The following NRG1 variants were observed in gnomAD, a reference collection of about 807,000 sequenced individuals.
The protein encoded by NRG1 is neuregulin 1.
A neutral mutation model predicts 63.8 loss-of-function variants in NRG1; 18 were observed. The observed-to-expected ratio is 0.28, with a 90% CI of 0.19 to 0.42. NRG1 has a LOEUF of 0.42. Ranked by LOEUF, NRG1 falls within the 10% of genes least tolerant of loss-of-function variation. The pLI is 1.00. For synonymous variants in NRG1, 302 were observed against 301.3 expected, an observed-to-expected ratio of 1.00 and a Z score of -0.02; for missense variants, 762 against 814.7, an observed-to-expected ratio of 0.94 and a Z score of 0.79.
chr8:31,954,428 C>CT (rs374120485), intron 1 of NRG1, among the ~76,000 whole-genome samples: 5 of 152,080 alleles, frequency 3.3e-5, no homozygotes, highest in Admixed American at 2.6e-4. Flanking sequence ...TGCTCAGAAA[C>CT]TTTTTTTATT....
chr8:32,028,280 C>T (rs1817769745), intron 1 of NRG1, among the ~76,000 whole-genome samples: 1 of 151,998 alleles, frequency 6.6e-6, no homozygotes, highest in Non-Finnish European at 1.5e-5. Flanking sequence ...CTTTAGGGGA[C>T]TAGGACTGTG....
rs567028392 is a variant in NRG1, at chr8:32,222,367, G to A, written c.38-373461G>A. Among the ~76,000 whole-genome samples the A allele has an allele frequency of 2.3e-4, 35 of 152,110 alleles. No individual in the cohort carries two copies. In the South Asian group the frequency reaches 5.6e-3, roughly 24 times the overall value. On this transcript the variant is annotated intron_variant, in intron 1 of 10. Coordinates refer to the NRG1 transcript ENST00000519301. Reference sequence around the variant, plus strand: ...CCTCTTATGAATGACACCAGGAAGAGTTATTGTAAACAATTGGAATTTCTA... The same window carrying A: ...CCTCTTATGAATGACACCAGGAAGAATTATTGTAAACAATTGGAATTTCTA...
chr8:32,538,221 A>G (rs1832221906), intron 1 of NRG1, among the ~76,000 whole-genome samples: 1 of 152,124 alleles, frequency 6.6e-6, no homozygotes, highest in Non-Finnish European at 1.5e-5. Context: ...GGAGCTACTG[A>G]GTGACAGGCA....
At chr8:32,052,026 G>C (rs1297102214) in intron 1 of NRG1, among the ~76,000 whole-genome samples, 2 of 152,086 alleles carry the variant, frequency 1.3e-5, no homozygotes, top group African/African-American at 4.8e-5. Flanking sequence ...GAGGCCACAT[G>C]ACAAGTAGGA....
chr8:32,101,332 G>T (rs1830549548), intron 1 of NRG1, among the ~76,000 whole-genome samples: 1 of 152,058 alleles, frequency 6.6e-6, no homozygotes, highest in Non-Finnish European at 1.5e-5. Context: ...TTCCACTCAG[G>T]ACTCCTTATG....
intron 1 of NRG1, among the ~76,000 whole-genome samples, chr8:32,430,781 GT>G: frequency 8.1e-6 from 1 of 123,328 alleles, no homozygotes. Context: ...CACTGCAATG[GT>G]TTGGGTTTTT....
intron 1 of NRG1, among the ~76,000 whole-genome samples, chr8:32,340,843 T>C (rs1803986239): frequency 2.0e-5 from 3 of 152,330 alleles, no homozygotes; most frequent in African/African-American, 4.8e-5. Flanking sequence ...ACATGCTGCC[T>C]GGTTTTGTGA....
intron 1 of NRG1, among the ~76,000 whole-genome samples, chr8:32,117,858 GA>G (rs1464412951): frequency 6.6e-6 from 1 of 151,972 alleles, no homozygotes; most frequent in Non-Finnish European, 1.5e-5. Flanking sequence ...TATGCTTCCG[GA>G]AAAAAAGTGC....
At chr8:31,699,560 A>C (rs552198848) in intron 1 of NRG1, among the ~76,000 whole-genome samples, 7 of 152,018 alleles carry the variant, frequency 4.6e-5, no homozygotes, top group Non-Finnish European at 1.0e-4. Context: ...ACCCACTATA[A>C]AGTGTGGTGT....
chr8:31,639,381 G>A, exon 1 of NRG1: 6 of 1,534,522 alleles, frequency 3.9e-6, no homozygotes, highest in Non-Finnish European at 5.2e-6. Flanking sequence ...GTCCCGCTCC[G>A]CTCCGGCAGC....
chr8:32,772,437 G>GA (rs1354130941), downstream of NRG1, among the ~76,000 whole-genome samples: 1 of 151,976 alleles, frequency 6.6e-6, no homozygotes. Context: ...TCATTTAAAT[G>GA]AAAAACTTTT....
intron 1 of NRG1, chr8:32,191,936 C>G (rs898902587): frequency 2.0e-5 from 3 of 152,328 alleles, no homozygotes; most frequent in African/African-American, 7.2e-5. Flanking sequence ...TCATTGATAG[C>G]CACACTGGCT....
At chr8:32,196,748 A>C (rs1842984147) in intron 1 of NRG1, among the ~76,000 whole-genome samples, 1 of 152,056 alleles carries the variant, frequency 6.6e-6, no homozygotes, top group Non-Finnish European at 1.5e-5. Flanking sequence ...AGGGTTGTTA[A>C]GTAGTATGTC....
chr8:32,012,274 T>C (rs886231806), intron 1 of NRG1, among the ~76,000 whole-genome samples: 1 of 152,064 alleles, frequency 6.6e-6, no homozygotes, highest in African/African-American at 2.4e-5. Context: ...TTGCCAGCCA[T>C]GAAAAATGCT....
chr8:31,821,291 A>G (rs1234688905), intron 1 of NRG1, among the ~76,000 whole-genome samples: 1 of 152,172 alleles, frequency 6.6e-6, no homozygotes, highest in African/African-American at 2.4e-5. Context: ...TCTTTTTAGT[A>G]TACTTGTGGT....
chr8:32,237,170 A>G (rs185983082), intron 1 of NRG1, among the ~76,000 whole-genome samples: 1 of 152,298 alleles, frequency 6.6e-6, no homozygotes, highest in East Asian at 1.9e-4. Flanking sequence ...CATTCCCTCT[A>G]CTGCACTTAA....
chr8:32,205,548 C>T (rs1047704436), intron 1 of NRG1, among the ~76,000 whole-genome samples: 4 of 152,172 alleles, frequency 2.6e-5, no homozygotes, highest in Admixed American at 6.5e-5. Flanking sequence ...TAAGCACGAC[C>T]TCTCTGGCAT....
At chr8:32,706,151 T>G (rs1206548403) in intron 5 of NRG1, among the ~76,000 whole-genome samples, 1 of 152,212 alleles carries the variant, frequency 6.6e-6, no homozygotes, top group Non-Finnish European at 1.5e-5. Context: ...AAACTAAATC[T>G]TTGTCTCTAA....
At chr8:31,759,584 T>A (rs1563368217) in intron 1 of NRG1, among the ~76,000 whole-genome samples, 1 of 152,146 alleles carries the variant, frequency 6.6e-6, no homozygotes, top group Non-Finnish European at 1.5e-5. Context: ...TATTTTGTTG[T>A]CTATTTGTCT....
Sources: allele counts gnomAD v4.1 joint callset (sites outside exome capture counted in the v4.1 genomes callset), GRCh38; gene constraint gnomAD v4.1.1; transcripts MANE v1.5; gene names NCBI Gene and HGNC (gene_info 2026-07-23, HGNC 2026-07-21).